GRB10: variants seen among roughly 807,000 people sequenced by gnomAD.
GRB10 encodes growth factor receptor bound protein 10, also known as growth factor receptor-bound protein 10.
A neutral mutation model predicts 80.9 loss-of-function variants in GRB10; 20 were observed. That is an observed-to-expected ratio of 0.25 (90% CI 0.17 to 0.36). GRB10 has a LOEUF of 0.36. GRB10 is among the 10% of genes least tolerant of loss of function. The probability of loss-of-function intolerance (pLI) is 1.00; values close to 1 mark genes in which losing one functional copy is unlikely to be tolerated. For synonymous variants in GRB10, 291 were observed against 291.5 expected (o/e 1.00, Z 0.02); for missense variants, 548 against 747.7 (o/e 0.73, Z 3.12).
intron 3 of GRB10, among the ~76,000 whole-genome samples, chr7:50,736,550 T>C (rs1479988046): frequency 1.3e-5 from 2 of 152,144 alleles, no homozygotes; most frequent in Non-Finnish European, 2.9e-5. Flanking sequence ...CCCCATACTT[T>C]GGGAGGCAGA....
intron 3 of GRB10, among the ~76,000 whole-genome samples, chr7:50,741,901 AC>A (rs1448683509): frequency 6.6e-6 from 1 of 152,204 alleles, no homozygotes. Flanking sequence ...AGTCAAAAAA[AC>A]ATACAAAATT....
At chr7:50,625,150 T>C (rs1450300968) in intron 8 of GRB10, among the ~76,000 whole-genome samples, 2 of 152,212 alleles carry the variant, frequency 1.3e-5, no homozygotes, top group Non-Finnish European at 2.9e-5. Flanking sequence ...GGGTATCACA[T>C]GAAATAGATA....
At chr7:50,665,966 T>A (rs1036590346) in intron 7 of GRB10, among the ~76,000 whole-genome samples, 1 of 152,006 alleles carries the variant, frequency 6.6e-6, no homozygotes, top group South Asian at 2.1e-4. Flanking sequence ...CTTAGCAAAC[T>A]CAGCACAGCA....
intron 17 of GRB10, among the ~76,000 whole-genome samples, chr7:50,599,552 G>GCT (rs752961228): frequency 6.6e-6 from 1 of 152,196 alleles, no homozygotes; most frequent in Non-Finnish European, 1.5e-5. Context: ...TGTGGTTAGC[G>GCT]CTCCAGCAGC....
At chr7:50,686,751 A>G (rs1285641042) in intron 5 of GRB10, among the ~76,000 whole-genome samples, 1 of 152,202 alleles carries the variant, frequency 6.6e-6, no homozygotes, top group African/African-American at 2.4e-5. Flanking sequence ...TCATCTTCCT[A>G]CCAAACCAGC....
At chr7:50,635,962 CTTTTTTTTTTTTTTTTT>C (rs56411780) in intron 7 of GRB10, among the ~76,000 whole-genome samples, 2 of 71,012 alleles carry the variant, frequency 2.8e-5, no homozygotes, top group African/African-American at 1.3e-4. Flanking sequence ...TTTTCCTTTC[CTTTTTTTTTTTTTTTTT>C]TTTTTTTTTT....
At chr7:50,709,594 G>A (rs1467303913) in intron 4 of GRB10, among the ~76,000 whole-genome samples, 1 of 77,392 alleles carries the variant, frequency 1.3e-5, no homozygotes, top group Non-Finnish European at 2.6e-5. Flanking sequence ...CGCGCCCTCC[G>A]GAGGGTGCCT....
At chr7:50,660,690 G>A (rs1221419548) in intron 7 of GRB10, among the ~76,000 whole-genome samples, 1 of 152,168 alleles carries the variant, frequency 6.6e-6, no homozygotes, top group Non-Finnish European at 1.5e-5. Context: ...CAGAAGGAAA[G>A]GAGTTAGAGA....
At chr7:50,703,529 T>G (rs1279427017) in intron 5 of GRB10, among the ~76,000 whole-genome samples, 2 of 151,960 alleles carry the variant, frequency 1.3e-5, no homozygotes, top group African/African-American at 2.4e-5. Flanking sequence ...CACCTTGGAG[T>G]ACCCTTCAAT....
At chr7:50,778,720 C>T (rs2077962401) in intron 2 of GRB10, among the ~76,000 whole-genome samples, 1 of 152,210 alleles carries the variant, frequency 6.6e-6, no homozygotes, top group Non-Finnish European at 1.5e-5. Context: ...ATCTTTATTG[C>T]TTCTTTCTAT....
intron 7 of GRB10, among the ~76,000 whole-genome samples, chr7:50,632,976 G>A (rs538711334): frequency 2.6e-5 from 4 of 152,240 alleles, no homozygotes; most frequent in African/African-American, 9.6e-5. Context: ...GTGGCAGAGT[G>A]CAGGACGGGA....
intron 7 of GRB10, among the ~76,000 whole-genome samples, chr7:50,667,740 C>T (rs1194726352): frequency 1.2e-4 from 18 of 152,152 alleles, no homozygotes; most frequent in Non-Finnish European, 1.3e-4. Context: ...CCTTCCTGGT[C>T]GTTTCTGTGG....
chr7:50,701,647 T>TC (rs1356359723), intron 5 of GRB10, among the ~76,000 whole-genome samples: 1 of 152,222 alleles, frequency 6.6e-6, no homozygotes, highest in African/African-American at 2.4e-5. Context: ...CACATTTTTT[T>TC]CTCAATCTTT....
intron 5 of GRB10, among the ~76,000 whole-genome samples, chr7:50,700,960 T>C (rs769330513): frequency 7.2e-5 from 11 of 152,250 alleles, no homozygotes; most frequent in Non-Finnish European, 1.5e-4. Context: ...GTCTATTAAC[T>C]TGAGTTTGTT....
intron 3 of GRB10, among the ~76,000 whole-genome samples, chr7:50,733,217 T>G (rs2070192118): frequency 6.6e-6 from 1 of 151,970 alleles, no homozygotes; most frequent in Non-Finnish European, 1.5e-5. Flanking sequence ...CTTGAGAAAA[T>G]GAACATCTGC....
chr7:50,737,397 C>A (rs1422134210), intron 3 of GRB10, among the ~76,000 whole-genome samples: 3 of 152,208 alleles, frequency 2.0e-5, no homozygotes, highest in Admixed American at 2.0e-4. Context: ...GTAAGATGTG[C>A]TTCCTTCCCC....
At chr7:50,683,949 T>C (rs1293099015) in intron 5 of GRB10, among the ~76,000 whole-genome samples, 6 of 152,178 alleles carry the variant, frequency 3.9e-5, no homozygotes, top group Non-Finnish European at 7.3e-5. Context: ...ACACTAAACA[T>C]AGATTCCTCT....
At chr7:50,645,468 A>G in intron 7 of GRB10, 1 of 327,068 alleles carries the variant, frequency 3.1e-6, no homozygotes, top group Non-Finnish European at 4.4e-6. Context: ...AAGAAACATG[A>G]GCCAAAAACA....
intron 13 of GRB10, among the ~76,000 whole-genome samples, chr7:50,610,091 T>C (rs2049242368): frequency 6.6e-6 from 1 of 152,188 alleles, no homozygotes; most frequent in African/African-American, 2.4e-5. Context: ...TCAGACCCTC[T>C]TATCCTCTAA....
Sources: gnomAD v4.1 joint callset for allele counts (sites outside exome capture counted in the v4.1 genomes callset) on GRCh38, gnomAD v4.1.1 for gene constraint, MANE v1.5 for transcripts, NCBI Gene and HGNC (gene_info 2026-07-23, HGNC 2026-07-21) for gene names.